Variants in DCAF8 observed in about 807,000 individuals in gnomAD.
DCAF8 encodes the protein DDB1 and CUL4 associated factor 8.
In DCAF8, 20 loss-of-function variants were observed where a neutral mutation model predicts 68.0. The observed-to-expected ratio is 0.29, with a 90% CI of 0.21 to 0.43. The LOEUF is 0.43. Ranked by LOEUF, DCAF8 falls within the 20% of genes least tolerant of loss-of-function variation. The pLI, the probability that DCAF8 is intolerant of heterozygous loss-of-function variation, is 1.00. For missense variants in DCAF8, 460 were observed against 771.0 expected, an observed-to-expected ratio of 0.60 and a Z score of 4.78; for synonymous variants, 230 against 276.9, an observed-to-expected ratio of 0.83 and a Z score of 1.68.
intron 12 of DCAF8, 116 bp downstream of exon 12, chr1:160,218,721 ATGTGGGGGAGGG>A (rs919946550): frequency 2.2e-6 from 3 of 1,379,396 alleles, no homozygotes. Flanking sequence ...AATTACAGGA[ATGTGGGGGAGGG>A]TGTTAGAGCA....
At chr1:160,262,152 T>C in intron 1 of DCAF8, 1 of 394,406 alleles carries the variant, frequency 2.5e-6, no homozygotes, top group East Asian at 3.6e-5. Context: ...CAGCGATGAC[T>C]TCGGGTCGGC....
chr1:160,228,130 T>C (rs1655542820), intron 7 of DCAF8, among the ~76,000 whole-genome samples: 1 of 151,530 alleles, frequency 6.6e-6, no homozygotes, highest in South Asian at 2.1e-4. Flanking sequence ...TCTTGCTATA[T>C]TGCCCAAGTT....
intron 3 of DCAF8, among the ~76,000 whole-genome samples, chr1:160,241,968 C>T (rs948319041): frequency 1.3e-5 from 2 of 152,196 alleles, no homozygotes; most frequent in African/African-American, 2.4e-5. Context: ...GCAGGCTGGG[C>T]GCGGTGGCTA....
Position 160,239,856 on chromosome 1 carries a change from C to T in DCAF8, c.564G>A (p.Gly188=). ...TGACACAACCAGTATGGCCCTCAAGCCCATGCTGCAGGCGGAAACGCTGCA... is the reference window on the plus strand; with the variant it reads ...TGACACAACCAGTATGGCCCTCAAGTCCATGCTGCAGGCGGAAACGCTGCA... The part of the protein sequence containing the change: ...VFVQRFRLQH[G]LEGHTGCVNT... The change falls in exon 4 of 14, where the codon GGG becomes GGA. Residue 188 remains glycine, a synonymous_variant. Transcript: ENST00000368074. 1.2e-6 allele frequency: 2 copies of T among 1,614,256 alleles called. No individual in the cohort carries two copies. Among genetic ancestry groups the T allele is most frequent in the Non-Finnish European group, 1.7e-6 (2 of 1,180,054 alleles).
intron 10 of DCAF8, among the ~76,000 whole-genome samples, chr1:160,223,058 C>T (rs917267237): frequency 6.6e-6 from 1 of 152,186 alleles, no homozygotes; most frequent in Non-Finnish European, 1.5e-5. Flanking sequence ...TAATCTCTTA[C>T]CTGTCCCACC....
At chr1:160,222,577 C>A in intron 11 of DCAF8, 74 bp downstream of exon 11, 1 of 1,574,556 alleles carries the variant, frequency 6.4e-7, no homozygotes, top group South Asian at 1.1e-5. Context: ...AGTGAGAATT[C>A]AGTGTCCCTG....
At chr1:160,250,322 C>T (rs759945614) in intron 2 of DCAF8, among the ~76,000 whole-genome samples, 4 of 151,762 alleles carry the variant, frequency 2.6e-5, no homozygotes, top group Non-Finnish European at 5.9e-5. Context: ...AAATATTAGC[C>T]GGGCGTGGTA....
At chr1:160,236,876 G>C (rs1655915915) in intron 6 of DCAF8, among the ~76,000 whole-genome samples, 1 of 152,160 alleles carries the variant, frequency 6.6e-6, no homozygotes, top group Non-Finnish European at 1.5e-5. Flanking sequence ...ATATCCAAGT[G>C]AATAAAGAGC....
In DCAF8 at chr1:160,243,973, T is replaced by C; in HGVS notation, c.36A>G (p.Thr12=). 1 of 1,614,166 alleles carries C rather than the reference T, an allele frequency of 6.2e-7. No homozygotes were observed. Among genetic ancestry groups the C allele is most frequent in the Non-Finnish European group, 8.5e-7 (1 of 1,180,000 alleles). The change falls in exon 3 of 14, where the codon ACA becomes ACG. Residue 12 remains threonine (T), a synonymous_variant. Transcript: ENST00000368074. ...SSKGSSTDGR[T]DLANGSLSSS... is the part of the protein sequence containing the mutation. ...TTGGCCCCTTACCATTAGCTAAGTC[T>C]GTTCTGCCATCTGTGCTGCTCCCTT...
At chr1:160,260,804 CAG>C (rs1297256812) in intron 2 of DCAF8, among the ~76,000 whole-genome samples, 46 of 151,574 alleles carry the variant, frequency 3.0e-4, no homozygotes, top group African/African-American at 1.0e-3. Context: ...CAACTAAAGG[CAG>C]CATCACTCAT....
At chr1:160,253,684 G>T (rs1000192996) in intron 2 of DCAF8, among the ~76,000 whole-genome samples, 1 of 147,546 alleles carries the variant, frequency 6.8e-6, no homozygotes, top group Non-Finnish European at 1.5e-5. Context: ...AAAATAGCAG[G>T]GTGTGGTGGT....
intron 2 of DCAF8, among the ~76,000 whole-genome samples, chr1:160,253,031 T>C (rs934805033): frequency 6.6e-6 from 1 of 152,156 alleles, no homozygotes; most frequent in African/African-American, 2.4e-5. Flanking sequence ...ACCTTGTAAA[T>C]CATATCTCAC....
intron 2 of DCAF8, among the ~76,000 whole-genome samples, chr1:160,255,470 T>C (rs985038289): frequency 6.6e-6 from 1 of 152,272 alleles, no homozygotes; most frequent in East Asian, 1.9e-4. Flanking sequence ...ATACCCAAGA[T>C]GGAAGACTGC....
chr1:160,233,496 A>G (rs1655765430), intron 6 of DCAF8, among the ~76,000 whole-genome samples: 1 of 152,184 alleles, frequency 6.6e-6, no homozygotes, highest in Non-Finnish European at 1.5e-5. Flanking sequence ...TCAAAAACAC[A>G]AGGCAGGAAA....
At chr1:160,260,854 T>C (rs1657060365) in intron 2 of DCAF8, among the ~76,000 whole-genome samples, 1 of 151,922 alleles carries the variant, frequency 6.6e-6, no homozygotes, top group South Asian at 2.1e-4. Flanking sequence ...CTAAATATTC[T>C]CCTCTAAATA....
chr1:160,250,858 T>C (rs750259973), intron 2 of DCAF8, among the ~76,000 whole-genome samples: 1 of 152,228 alleles, frequency 6.6e-6, no homozygotes, highest in Non-Finnish European at 1.5e-5. Context: ...TTATTTTTTT[T>C]AAATTTCTCT....
At position 160,218,939 on chromosome 1, in the gene DCAF8, C is replaced by T. The variant is rs758318987; in HGVS notation, c.1470G>A (p.Leu490=). ...VVNCLEPHPH[L]PVLATSGLDH... ...CTAGGCCACTGGTTGCCAGCACAGG[C>T]AGGTGAGGGTGGGGCTCAAGACAGT... Residue 490 remains leucine (L), a synonymous_variant, in exon 12 of 14, where the codon CTG becomes CTA. Transcript: ENST00000368074. The T allele has an allele frequency of 5.0e-6, 8 of 1,614,094 alleles. No individual in the cohort carries two copies. In the African/African-American group the frequency reaches 6.7e-5, roughly 13 times the overall value.
At chr1:160,243,444 A>C (rs1369441626) in intron 3 of DCAF8, among the ~76,000 whole-genome samples, 2 of 140,156 alleles carry the variant, frequency 1.4e-5, no homozygotes. Flanking sequence ...GGGTCTCGCT[A>C]TGTTGCCCAG....
Position 160,240,706 on chromosome 1 carries a change from T to C in DCAF8, c.50-336A>G, listed in dbSNP as rs142110509. ...TACATCTACCATTGGCTCTGTTGTA[T>C]TGGATGGGCATTTATTAAGTTATAG... On this transcript the variant is annotated intron_variant, in intron 3 of 13. Transcript: ENST00000368074. 2.5e-3 allele frequency among the ~76,000 whole-genome samples: 379 copies of C among 152,318 alleles called. 2 individuals carry two copies. The highest frequency in any genetic ancestry group is 8.7e-3 in the African/African-American group (361 of 41,576).
Sources: allele counts gnomAD v4.1 joint callset (sites outside exome capture counted in the v4.1 genomes callset), GRCh38; gene constraint gnomAD v4.1.1; transcripts MANE v1.5; gene names NCBI Gene and HGNC (gene_info 2026-07-23, HGNC 2026-07-21).